The following CD276 variants were observed in gnomAD, a reference collection of about 807,000 sequenced individuals.
CD276 encodes the protein CD276 antigen.
Under a neutral mutation model 50.0 loss-of-function variants are expected in CD276, and 34 were observed. The ratio of observed to expected loss-of-function variants is 0.68; its 90% confidence interval spans 0.52 to 0.91. The LOEUF (loss-of-function observed/expected upper bound fraction) is 0.91, where lower values mean the gene tolerates loss of function less well. Ranked by LOEUF, CD276 falls within the 40% of genes least tolerant of loss-of-function variation. CD276 has a pLI of 0.00. For synonymous variants in CD276, 275 were observed against 313.0 expected (o/e 0.88, Z 1.28); for missense variants, 634 against 717.5 (o/e 0.88, Z 1.33).
In CD276 at chr15:73,702,353, C is replaced by T. The variant is rs2141564192; in HGVS notation, c.178C>T (p.Leu60=). ...CSFSPEPGFS[L]AQLNLIWQLT... Reference sequence around the variant, plus strand: ...CTTCTCCCCTGAGCCTGGCTTCAGCCTGGCACAGCTCAACCTCATCTGGCA... The same window carrying T: ...CTTCTCCCCTGAGCCTGGCTTCAGCTTGGCACAGCTCAACCTCATCTGGCA... The change falls in exon 3 of 10, where the codon CTG becomes TTG. Residue 60 remains leucine (L), a synonymous_variant. Coordinates refer to ENST00000318443, the MANE Select transcript of CD276 (RefSeq NM_001024736.2). 1 of 1,613,646 alleles carries T rather than the reference C, an allele frequency of 6.2e-7. No individual in the cohort carries two copies. The highest frequency in any genetic ancestry group is 2.2e-5 in the East Asian group (1 of 44,876).
chr15:73,710,185 G>T (rs866507034), intron 8 of CD276, among the ~76,000 whole-genome samples: 18 of 152,348 alleles, frequency 1.2e-4, no homozygotes, highest in African/African-American at 3.4e-4. Flanking sequence ...ATCATATCTA[G>T]TGCCAAGTGC....
chr15:73,684,269 C>T (rs1419439819), upstream of CD276: 2 of 151,954 alleles, frequency 1.3e-5, no homozygotes, highest in African/African-American at 4.8e-5. Flanking sequence ...CAGCCGCCAC[C>T]GCGGGGCCAA....
chr15:73,697,307 G>A (rs1596008207), intron 1 of CD276, among the ~76,000 whole-genome samples: 2 of 151,842 alleles, frequency 1.3e-5, no homozygotes, highest in Admixed American at 1.3e-4. Flanking sequence ...TGGCCAGGAT[G>A]CACATGGTTT....
chr15:73,688,486 C>T (rs893643259), intron 1 of CD276, among the ~76,000 whole-genome samples: 5 of 152,116 alleles, frequency 3.3e-5, no homozygotes, highest in Admixed American at 1.3e-4. Context: ...AGCAAGGCAT[C>T]GGTGTCAGGA....
At chr15:73,699,375 CT>C (rs1900288154) in intron 1 of CD276, among the ~76,000 whole-genome samples, 1 of 152,174 alleles carries the variant, frequency 6.6e-6, no homozygotes, top group Non-Finnish European at 1.5e-5. Context: ...CAGCTGCCCC[CT>C]ACCCCATCTT....
chr15:73,700,196 T>G (rs949573040), intron 2 of CD276, among the ~76,000 whole-genome samples: 4 of 152,124 alleles, frequency 2.6e-5, no homozygotes, highest in Admixed American at 6.5e-5. Context: ...GCTTGCTTCC[T>G]CCCTGTTCAA....
chr15:73,713,336 A>C lies in CD276; in HGVS notation c.*380A>C. 3.5e-6 allele frequency: 1 copy of C among 283,746 alleles called. No homozygotes were observed. Among genetic ancestry groups the C allele is most frequent in the Non-Finnish European group, 6.6e-6 (1 of 151,442 alleles). 17.6% of individuals were successfully genotyped at this position (283,746 alleles called of 1,614,324 possible). ...GCCTTTTTTCTCCAAAAGATGCAAT[A>C]TTCAGACTGACTGACCCCCTGCCTT... On this transcript the variant is annotated 3_prime_UTR_variant, in exon 10 of 10. Transcript: ENST00000318443.
intron 4 of CD276, among the ~76,000 whole-genome samples, chr15:73,703,355 G>T (rs1415907895): frequency 3.3e-5 from 5 of 152,208 alleles, no homozygotes; most frequent in African/African-American, 1.2e-4. Context: ...AGGGGTGGGC[G>T]AAGGAAAGGA....
In CD276 at chr15:73,703,056, G is replaced by A. The variant is rs1307676060; in HGVS notation, c.703G>A (p.Val235Ile). The stretch of plus-strand genomic sequence containing the variant: ...GCTGCAGCAGGATGCGCACAGCTCT[G>A]TCACCATCACACCCCAGAGAAGCCC... ...PVLQQDAHSS[V>I]TITPQRSPTG... The change falls in exon 4 of 10, where the codon GTC becomes ATC. Residue 235 changes from valine (V) to isoleucine (I), a missense_variant. Physicochemically the swap from Val to Ile is conservative, Grantham distance 29. Transcript: ENST00000318443. 2 of 1,610,856 alleles carry A rather than the reference G, an allele frequency of 1.2e-6. No individual in the cohort carries two copies. The highest frequency in any genetic ancestry group is 1.1e-5 in the South Asian group (1 of 90,620).
intron 6 of CD276, among the ~76,000 whole-genome samples, chr15:73,707,166 A>C (rs1279859464): frequency 6.6e-6 from 1 of 152,354 alleles, no homozygotes; most frequent in East Asian, 1.9e-4. Context: ...CTCTGCCGCC[A>C]AAGGGTCCAT....
intron 1 of CD276, among the ~76,000 whole-genome samples, chr15:73,691,844 G>A (rs1460632077): frequency 6.6e-6 from 1 of 152,202 alleles, no homozygotes; most frequent in African/African-American, 2.4e-5. Flanking sequence ...TAGGCCATAC[G>A]GGGAGGTGCT....
intron 1 of CD276, among the ~76,000 whole-genome samples, chr15:73,695,349 G>C (rs975627471): frequency 1.3e-5 from 2 of 152,184 alleles, no homozygotes; most frequent in African/African-American, 4.8e-5. Context: ...CGGGTCTCTG[G>C]AGTTCAGGAA....
intron 9 of CD276, 26 bp downstream of exon 9, chr15:73,711,196 T>C: frequency 6.2e-7 from 1 of 1,611,582 alleles, no homozygotes; most frequent in Non-Finnish European, 8.5e-7. Flanking sequence ...CTTGAGGTTG[T>C]GTCTGTGTAT....
intron 9 of CD276, among the ~76,000 whole-genome samples, chr15:73,712,595 G>T (rs1792513371): frequency 6.6e-6 from 1 of 152,356 alleles, no homozygotes; most frequent in Admixed American, 6.5e-5. Flanking sequence ...GGCCTTGGAG[G>T]GTGGATGGGA....
intron 1 of CD276, among the ~76,000 whole-genome samples, chr15:73,691,690 G>C (rs1899993983): frequency 6.6e-6 from 1 of 152,238 alleles, no homozygotes; most frequent in African/African-American, 2.4e-5. Flanking sequence ...TAGACCAAGA[G>C]AAGGGCACTG....
At chr15:73,708,060 A>G (rs1345641879) in intron 6 of CD276, among the ~76,000 whole-genome samples, 1 of 152,210 alleles carries the variant, frequency 6.6e-6, no homozygotes, top group African/African-American at 2.4e-5. Context: ...TTGAAGCATT[A>G]TTCTAAAGTC....
intron 6 of CD276, among the ~76,000 whole-genome samples, chr15:73,706,421 A>G (rs1280162047): frequency 6.6e-6 from 1 of 152,122 alleles, no homozygotes; most frequent in Non-Finnish European, 1.5e-5. Flanking sequence ...AAAATTGGAT[A>G]AATGATCAAT....
Position 73,714,041 on chromosome 15 carries a change from A to T in CD276, c.*1085A>T, listed in dbSNP as rs144321764. 288 of 295,992 alleles carry T rather than the reference A, an allele frequency of 9.7e-4. 1 individual carries two copies. The highest frequency in any genetic ancestry group is 6.4e-3 in the African/African-American group (271 of 42,528). The allele number at this position is 295,992 out of a possible 1,614,324, so 18.3% of individuals were successfully genotyped here. A position where few individuals can be genotyped will look rare whatever the true frequency, so the allele number is the denominator to read the frequency against. On this transcript the variant is annotated 3_prime_UTR_variant, in exon 10 of 10. Coordinates refer to ENST00000318443, the MANE Select transcript of CD276 (RefSeq NM_001024736.2). ...TCCTCTGTGGCTCAAGGCTTCCTGGATACCTCACCCCCATCCCACCCATAA... is the reference window on the plus strand; with the variant it reads ...TCCTCTGTGGCTCAAGGCTTCCTGGTTACCTCACCCCCATCCCACCCATAA...
chr15:73,690,142 C>A, intron 1 of CD276, among the ~76,000 whole-genome samples: 1 of 152,230 alleles, frequency 6.6e-6, no homozygotes, highest in Non-Finnish European at 1.5e-5. Flanking sequence ...ATATATCTAT[C>A]CATCTCTCTA....
Sources: gnomAD v4.1 joint callset for allele counts (sites outside exome capture counted in the v4.1 genomes callset) on GRCh38, gnomAD v4.1.1 for gene constraint, MANE v1.5 for transcripts, NCBI Gene and HGNC (gene_info 2026-07-23, HGNC 2026-07-21) for gene names.